The following SMYD4 variants were observed in gnomAD, a reference collection of about 807,000 sequenced individuals.
SMYD4 encodes the protein protein-lysine N-methyltransferase SMYD4.
SMYD4 carries 68 observed loss-of-function variants against 72.8 expected under a neutral mutation model. The ratio of observed to expected loss-of-function variants is 0.93; its 90% CI spans 0.77 to 1.14. The LOEUF (loss-of-function observed/expected upper bound fraction) is 1.14, where lower values mean the gene tolerates loss of function less well. Ranked by LOEUF, SMYD4 falls within the 50% of genes most tolerant of loss-of-function variation. The pLI, the probability that SMYD4 is intolerant of heterozygous loss-of-function variation, is 0.00. For synonymous variants in SMYD4, 407 were observed against 388.6 expected, an observed-to-expected ratio of 1.05 and a Z score of -0.56; for missense variants, 984 against 1,003.7, an observed-to-expected ratio of 0.98 and a Z score of 0.27.
chr17:1,817,274 C>A (rs1910655215), intron 2 of SMYD4, among the ~76,000 whole-genome samples: 1 of 151,976 alleles, frequency 6.6e-6, no homozygotes, highest in East Asian at 1.9e-4. Flanking sequence ...CAGGCCTCAA[C>A]TGATTTGCCT....
At chr17:1,803,196 T>C (rs1909863787) in intron 4 of SMYD4, among the ~76,000 whole-genome samples, 1 of 152,162 alleles carries the variant, frequency 6.6e-6, no homozygotes, top group Non-Finnish European at 1.5e-5. Context: ...CTCAACTTTT[T>C]CTCTGTTGCA....
chr17:1,816,321 T>TA (rs1004516284), intron 2 of SMYD4, among the ~76,000 whole-genome samples: 2 of 150,894 alleles, frequency 1.3e-5, no homozygotes, highest in African/African-American at 5.0e-5. Context: ...TTTGCTTATT[T>TA]AAAAAAATTT....
chr17:1,808,505 G>A (rs1269872026), intron 3 of SMYD4, among the ~76,000 whole-genome samples: 1 of 152,042 alleles, frequency 6.6e-6, no homozygotes, highest in African/African-American at 2.4e-5. Flanking sequence ...TACTCTTTAT[G>A]CTCCTCTGTA....
intron 8 of SMYD4, chr17:1,783,751 T>A: frequency 2.0e-6 from 1 of 498,840 alleles, no homozygotes; most frequent in Non-Finnish European, 3.5e-6. Context: ...ACCTTTCACG[T>A]ACGGCCATGA....
chr17:1,811,408 C>G (rs1910325229), intron 3 of SMYD4, among the ~76,000 whole-genome samples: 2 of 152,152 alleles, frequency 1.3e-5, no homozygotes, highest in Admixed American at 1.3e-4. Flanking sequence ...GTCTTGAACC[C>G]CTGGCCTCAA....
rs778660184 is a variant in SMYD4 at position 1,781,100 on chromosome 17, T to C, written c.*186A>G. ...ACGCCTGGCTAGTTTTTTGTATTTT[T>C]AGTAAAGATGGGGTTTCACCATGTT... On this transcript the variant is annotated 3_prime_UTR_variant, in exon 11 of 11. Transcript: ENST00000305513. The C allele has an allele frequency of 1.8e-5, 11 of 611,348 alleles. No individual in the cohort carries two copies. Among genetic ancestry groups the C allele is most frequent in the Non-Finnish European group, 2.6e-5 (10 of 388,908 alleles). The allele number at this position is 611,348 out of a possible 1,614,324, so 37.9% of individuals were successfully genotyped here.
At chr17:1,792,065 G>GT (rs1909067962) in intron 5 of SMYD4, among the ~76,000 whole-genome samples, 1 of 150,294 alleles carries the variant, frequency 6.7e-6, no homozygotes, top group African/African-American at 2.5e-5. Context: ...TTGAGACGGG[G>GT]TCTCGCTCTG....
chr17:1,791,669 T>G (rs79131790), intron 5 of SMYD4, among the ~76,000 whole-genome samples: 1,857 of 152,290 alleles, frequency 0.012, 31 homozygotes, highest in Non-Finnish European at 0.019. Context: ...CTGTATCAAG[T>G]GCCTTAAAAA....
intron 6 of SMYD4, among the ~76,000 whole-genome samples, chr17:1,787,214 G>C (rs1335427389): frequency 6.6e-6 from 1 of 152,228 alleles, no homozygotes; most frequent in Non-Finnish European, 1.5e-5. Context: ...TGATTAAACA[G>C]CGAGACATAG....
At chr17:1,816,454 A>G (rs569691744) in intron 2 of SMYD4, among the ~76,000 whole-genome samples, 26 of 151,616 alleles carry the variant, frequency 1.7e-4, no homozygotes, top group Admixed American at 5.3e-4. Context: ...CCCCGTCTCT[A>G]CCAAAAATAC....
chr17:1,793,597 T>A (rs1057373951), intron 5 of SMYD4, among the ~76,000 whole-genome samples: 1 of 152,040 alleles, frequency 6.6e-6, no homozygotes, highest in Non-Finnish European at 1.5e-5. Flanking sequence ...CAAAGCAAGT[T>A]ACAGAGCTAG....
chr17:1,787,414 T>C lies in SMYD4; in HGVS notation c.1720+8A>G. 1 of 1,553,432 alleles carries C rather than the reference T, an allele frequency of 6.4e-7. No homozygotes were observed. The highest frequency in any genetic ancestry group is 8.7e-7 in the Non-Finnish European group (1 of 1,148,712). On this transcript the variant is annotated splice_region_variant and intron_variant, in intron 6 of 10. Transcript: ENST00000305513. ...AGGGCAGGATGGCAGTGCGGAGGGA[T>C]GGCTCACCATAGCAGTGGAGAATCT...
At chr17:1,821,060 G>A (rs1435119758) in intron 2 of SMYD4, among the ~76,000 whole-genome samples, 1 of 152,138 alleles carries the variant, frequency 6.6e-6, no homozygotes, top group Non-Finnish European at 1.5e-5. Flanking sequence ...AACCCCAGGG[G>A]AAACGAGAGC....
intron 3 of SMYD4, 134 bp from the exon 4 acceptor site, chr17:1,804,849 C>A: frequency 1.3e-6 from 1 of 798,802 alleles, no homozygotes; most frequent in Non-Finnish European, 2.0e-6. Flanking sequence ...TGTGCTTCAG[C>A]TTATCTTTTA....
Position 1,804,626 on chromosome 17 carries a change from C to T in SMYD4, c.369G>A (p.Glu123=). 5 of 1,613,394 alleles carry T rather than the reference C, an allele frequency of 3.1e-6. No individual in the cohort carries two copies. Among genetic ancestry groups the T allele is most frequent in the Non-Finnish European group, 4.2e-6 (5 of 1,179,570 alleles). ...SAALFHLGQY[E]TCLKDINRAQ... ...TCATACCAGGTATCCTGATACTCAC[C>T]TCATACTGACCCAGGTGGAAGAGGG... The change falls in exon 4 of 11, where the codon GAG becomes GAA. Residue 123 remains glutamate, a splice_region_variant and synonymous_variant. Coordinates refer to ENST00000305513, the MANE Select transcript of SMYD4 (RefSeq NM_052928.3).
At chr17:1,814,105 G>A (rs1302067995) in intron 2 of SMYD4, among the ~76,000 whole-genome samples, 3 of 152,040 alleles carry the variant, frequency 2.0e-5, no homozygotes, top group Non-Finnish European at 4.4e-5. Context: ...GAGCTCAGGA[G>A]GCTAGCCTGG....
chr17:1,809,003 T>TA (rs1212243840), intron 3 of SMYD4, among the ~76,000 whole-genome samples: 2 of 152,174 alleles, frequency 1.3e-5, no homozygotes, highest in African/African-American at 2.4e-5. Flanking sequence ...ATAAACCTGT[T>TA]AAAGATTCAG....
chr17:1,779,558 C>T lies in SMYD4; in HGVS notation c.*1728G>A, dbSNP rs1401499874. 7.2e-5 allele frequency: 11 copies of T among 152,190 alleles called. No homozygotes were observed. The highest frequency in any genetic ancestry group is 7.2e-4 in the Admixed American group (11 of 15,272). The allele number at this position is 152,190 out of a possible 1,614,324, so 9.4% of individuals were successfully genotyped here. ...CATATGTGTTATAAAGTCTTTACTA[C>T]AACTTTGATTTTATTAGTGGTTGGT... On this transcript the variant is annotated 3_prime_UTR_variant, in exon 11 of 11. Coordinates refer to ENST00000305513, the MANE Select transcript of SMYD4 (RefSeq NM_052928.3).
At chr17:1,813,376 A>C (rs2151246760) in intron 2 of SMYD4, among the ~76,000 whole-genome samples, 1 of 152,324 alleles carries the variant, frequency 6.6e-6, no homozygotes, top group East Asian at 1.9e-4. Flanking sequence ...TAAATGTAGT[A>C]AAACGTTAAC....
Sources: gnomAD v4.1 joint callset for allele counts (sites outside exome capture counted in the v4.1 genomes callset) on GRCh38, gnomAD v4.1.1 for gene constraint, MANE v1.5 for transcripts, NCBI Gene and HGNC (gene_info 2026-07-23, HGNC 2026-07-21) for gene names.